The following MELK variants were observed in gnomAD, a reference collection of about 807,000 sequenced individuals.
MELK encodes the protein pEg3 kinase.
A neutral mutation model predicts 85.0 loss-of-function variants in MELK; 81 were observed. The observed-to-expected ratio is 0.95, with a 90% CI of 0.80 to 1.15. MELK has a LOEUF of 1.15. Among genes scored for constraint, MELK ranks in the 50% most tolerant of loss-of-function variants. MELK has a pLI of 0.00. For missense variants in MELK, 754 were observed against 777.5 expected (o/e 0.97, Z 0.36); for synonymous variants, 252 against 265.0 (o/e 0.95, Z 0.48).
intron 12 of MELK, 143 bp from the exon 13 acceptor site, chr9:36,657,098 C>T (rs896626146): frequency 8.6e-5 from 84 of 973,124 alleles, no homozygotes; most frequent in Non-Finnish European, 1.2e-4. Flanking sequence ...TGTGTAAGTA[C>T]ATTTTATGAT....
intron 8 of MELK, 117 bp from the exon 9 acceptor site, chr9:36,630,182 G>T: frequency 1.3e-6 from 1 of 767,180 alleles, no homozygotes; most frequent in Non-Finnish European, 2.2e-6. Flanking sequence ...TGTTTACCAA[G>T]TATTGTAGTT....
At chr9:36,635,077 G>C (rs1320983997) in intron 10 of MELK, among the ~76,000 whole-genome samples, 2 of 139,912 alleles carry the variant, frequency 1.4e-5, no homozygotes, top group Non-Finnish European at 3.0e-5. Flanking sequence ...TAGTCACACA[G>C]AGTATTAAAA....
chr9:36,617,555 A>G (rs1826964093), intron 8 of MELK, among the ~76,000 whole-genome samples: 1 of 152,146 alleles, frequency 6.6e-6, no homozygotes, highest in African/African-American at 2.4e-5. Context: ...TCTGGCCTCA[A>G]GTGATCCTCC....
At chr9:36,598,390 T>C (rs541815004) in intron 6 of MELK, among the ~76,000 whole-genome samples, 17 of 152,276 alleles carry the variant, frequency 1.1e-4, no homozygotes, top group Admixed American at 4.6e-4. Flanking sequence ...TGCCTCAGCC[T>C]TCTTCCAAGG....
At chr9:36,660,422 A>G (rs919256280) in intron 13 of MELK, among the ~76,000 whole-genome samples, 1 of 151,656 alleles carries the variant, frequency 6.6e-6, no homozygotes, top group East Asian at 2.0e-4. Flanking sequence ...GGCTTAAGCA[A>G]TTTTCTTGCC....
At position 36,669,311 on chromosome 9, in the gene MELK, T is replaced by C. The variant is rs377540320; in HGVS notation, c.1410T>C (p.Ala470=). ...TTGTGTTTGTTCTGTTTCTAATAGCTAGAAACCAGTGCCTGAAAGAAACTC... is the reference window on the plus strand; with the variant it reads ...TTGTGTTTGTTCTGTTTCTAATAGCCAGAAACCAGTGCCTGAAAGAAACTC... ...TPNRYTTPSK[A]RNQCLKETPI... is the part of the protein sequence containing the mutation. The change falls in exon 15 of 18, where the codon GCT becomes GCC. Residue 470 remains alanine, a splice_region_variant and synonymous_variant. Coordinates refer to ENST00000298048, the MANE Select transcript of MELK (RefSeq NM_014791.4). The C allele has an allele frequency of 6.2e-7, 1 of 1,603,686 alleles. No homozygotes were observed. The highest frequency in any genetic ancestry group is 8.5e-7 in the Non-Finnish European group (1 of 1,173,950).
At chr9:36,627,770 G>A (rs879923104) in intron 8 of MELK, among the ~76,000 whole-genome samples, 5 of 151,520 alleles carry the variant, frequency 3.3e-5, no homozygotes, top group East Asian at 3.9e-4. Context: ...CAGGTGATCC[G>A]CCCATCTCAG....
chr9:36,634,531 T>G (rs906293254), intron 10 of MELK, among the ~76,000 whole-genome samples: 1 of 151,524 alleles, frequency 6.6e-6, no homozygotes, highest in African/African-American at 2.4e-5. Flanking sequence ...GCCAACATGG[T>G]AAAACCCCAT....
rs768595038 is a variant in MELK, at chr9:36,621,204, G to A, written c.667-9095G>A. 1.2e-4 allele frequency among the ~76,000 whole-genome samples: 17 copies of A among 144,362 alleles called. No homozygotes were observed. In the South Asian group the frequency reaches 3.2e-3, roughly 27 times the overall value. 94.7% of individuals were successfully genotyped at this position (144,362 alleles called of 152,430 possible). On this transcript the variant is annotated intron_variant, in intron 8 of 17. Transcript: ENST00000298048. ...GGAGAATTGCTTGAACCTGGGAGGC[G>A]GAGGTTGCCATGAGGTGAGATCACG...
chr9:36,648,541 G>A (rs77028083), intron 11 of MELK, among the ~76,000 whole-genome samples: 4,452 of 151,760 alleles, frequency 0.029, 221 homozygotes, highest in African/African-American at 0.1. Flanking sequence ...GCTCAGATGC[G>A]GATGATGAAC....
intron 10 of MELK, among the ~76,000 whole-genome samples, chr9:36,642,663 A>G (rs1829865686): frequency 6.6e-6 from 1 of 152,036 alleles, no homozygotes; most frequent in Non-Finnish European, 1.5e-5. Context: ...TCCTGACCTC[A>G]GGTGATCTGC....
chr9:36,637,112 A>T (rs1829299178), intron 10 of MELK, among the ~76,000 whole-genome samples: 1 of 151,876 alleles, frequency 6.6e-6, no homozygotes, highest in South Asian at 2.1e-4. Flanking sequence ...GATTACAGGC[A>T]TGAGCCACTG....
At chr9:36,575,291 C>T (rs1821543606) in intron 1 of MELK, among the ~76,000 whole-genome samples, 1 of 152,142 alleles carries the variant, frequency 6.6e-6, no homozygotes, top group African/African-American at 2.4e-5. Context: ...TGATAATATA[C>T]CTCCTTCAGC....
chr9:36,661,828 T>C (rs1373124880), intron 13 of MELK, among the ~76,000 whole-genome samples: 1 of 151,632 alleles, frequency 6.6e-6, no homozygotes, highest in Non-Finnish European at 1.5e-5. Context: ...TCCCAGTTAC[T>C]TGGGAGGCTG....
chr9:36,632,036 A>G (rs547959092), intron 9 of MELK, among the ~76,000 whole-genome samples: 1 of 152,328 alleles, frequency 6.6e-6, no homozygotes, highest in East Asian at 1.9e-4. Flanking sequence ...GTACTATTGA[A>G]TGGGCCCTGT....
chr9:36,583,711 G>A lies in MELK; in HGVS notation c.143G>A (p.Gly48Glu). ...AIKIMDKNTLGSDLPRIKTEI... is the reference protein window; with the variant it reads ...AIKIMDKNTLESDLPRIKTEI... ...AAAATCATGGATAAAAACACACTAG[G>A]GGTAAGTTTAGATTTATTTAAAAAA... Residue 48 changes from glycine (G) to glutamate (E), a missense_variant and splice_region_variant, in exon 3 of 18, where the codon GGG becomes GAG. By Grantham distance (98) the Gly-to-Glu change is moderately conservative. Coordinates refer to ENST00000298048, the MANE Select transcript of MELK (RefSeq NM_014791.4). 1 of 1,598,484 alleles carries A rather than the reference G, an allele frequency of 6.3e-7. No individual in the cohort carries two copies. Among genetic ancestry groups the A allele is most frequent in the South Asian group, 1.1e-5 (1 of 90,334 alleles).
At chr9:36,590,846 C>T (rs1046146836) in intron 4 of MELK, among the ~76,000 whole-genome samples, 1 of 151,528 alleles carries the variant, frequency 6.6e-6, no homozygotes, top group African/African-American at 2.4e-5. Flanking sequence ...GAGGCTGAGG[C>T]GGGAGGATCA....
intron 13 of MELK, among the ~76,000 whole-genome samples, chr9:36,661,223 G>C (rs1320556239): frequency 6.6e-6 from 1 of 152,098 alleles, no homozygotes; most frequent in Non-Finnish European, 1.5e-5. Context: ...GATAGGTAGG[G>C]CAAATTCAAA....
intron 12 of MELK, among the ~76,000 whole-genome samples, 165 bp downstream of exon 12, chr9:36,652,042 ATTTTTTT>A (rs11465173): frequency 2.2e-5 from 2 of 91,394 alleles, no homozygotes; most frequent in East Asian, 3.6e-4. Context: ...TTGAACTCTA[ATTTTTTT>A]TTTTTTTTTT....
Sources: gnomAD v4.1 joint callset for allele counts (sites outside exome capture counted in the v4.1 genomes callset) on GRCh38, gnomAD v4.1.1 for gene constraint, MANE v1.5 for transcripts, NCBI Gene and HGNC (gene_info 2026-07-23, HGNC 2026-07-21) for gene names.